Variants in MKLN1 observed in about 807,000 individuals in gnomAD.
MKLN1 encodes muskelin 1.
Under a neutral mutation model 99.0 loss-of-function variants are expected in MKLN1, and 18 were observed. The ratio of observed to expected loss-of-function variants is 0.18; its 90% CI spans 0.13 to 0.27. The LOEUF is 0.27. MKLN1 is among the 10% of genes least tolerant of loss of function. The probability of loss-of-function intolerance (pLI) is 1.00; values close to 1 mark genes in which losing one functional copy is unlikely to be tolerated. For synonymous variants in MKLN1, 288 were observed against 293.2 expected, an observed-to-expected ratio of 0.98 and a Z score of 0.18; for missense variants, 621 against 875.9, an observed-to-expected ratio of 0.71 and a Z score of 3.67.
intron 1 of MKLN1, among the ~76,000 whole-genome samples, chr7:131,329,632 A>C (rs1785415279): frequency 6.6e-6 from 1 of 152,222 alleles, no homozygotes; most frequent in Non-Finnish European, 1.5e-5. Flanking sequence ...GTCACTCCTT[A>C]AATTTTTGAT....
chr7:131,421,434 T>C (rs901667321), intron 8 of MKLN1, among the ~76,000 whole-genome samples: 3 of 152,160 alleles, frequency 2.0e-5, no homozygotes, highest in Non-Finnish European at 4.4e-5. Context: ...CAGCCACATA[T>C]AATAGGTAGG....
intron 11 of MKLN1, among the ~76,000 whole-genome samples, chr7:131,444,745 T>TAGAAGA (rs1795948329): frequency 2.0e-5 from 2 of 98,116 alleles, no homozygotes; most frequent in Non-Finnish European, 4.1e-5. Flanking sequence ...GTAGTAGTAG[T>TAGAAGA]AGTAGTAGTA....
intron 1 of MKLN1, among the ~76,000 whole-genome samples, chr7:131,349,259 G>A (rs373536340): frequency 2.0e-5 from 3 of 151,320 alleles, no homozygotes; most frequent in Admixed American, 2.0e-4. Context: ...ACAGTGGCAC[G>A]ATCTCGGCTC....
chr7:131,248,426 A>T (rs1797528821), intron 3 of MKLN1, among the ~76,000 whole-genome samples: 1 of 152,154 alleles, frequency 6.6e-6, no homozygotes, highest in Non-Finnish European at 1.5e-5. Context: ...ATGGGTTCTT[A>T]TACTGAGCAT....
At chr7:131,330,448 C>G (rs1008273744) in intron 1 of MKLN1, among the ~76,000 whole-genome samples, 1 of 152,176 alleles carries the variant, frequency 6.6e-6, no homozygotes, top group Non-Finnish European at 1.5e-5. Flanking sequence ...TGTATCAACT[C>G]ATTTAATCCT....
chr7:131,231,521 T>C (rs1797244010), intron 3 of MKLN1, among the ~76,000 whole-genome samples: 1 of 152,122 alleles, frequency 6.6e-6, no homozygotes. Flanking sequence ...CTACTGTTGC[T>C]CTTGTGGCCA....
intron 4 of MKLN1, among the ~76,000 whole-genome samples, chr7:131,392,252 G>A (rs1794216594): frequency 6.6e-6 from 1 of 152,134 alleles, no homozygotes; most frequent in South Asian, 2.1e-4. Flanking sequence ...TTGGTAAATG[G>A]AGAGATGTGG....
intron 1 of MKLN1, among the ~76,000 whole-genome samples, chr7:131,112,001 A>T (rs979824255): frequency 1.3e-5 from 2 of 152,224 alleles, no homozygotes; most frequent in Admixed American, 1.3e-4. Context: ...ATGTCCCTGG[A>T]CAAGACAACC....
intron 1 of MKLN1, among the ~76,000 whole-genome samples, chr7:131,366,756 G>T (rs937106087): frequency 3.4e-4 from 52 of 152,198 alleles, no homozygotes; most frequent in Admixed American, 3.0e-3. Context: ...ATGTTGCAGT[G>T]AGCTAAGATT....
chr7:131,281,340 T>C (rs7789015), intron 3 of MKLN1, among the ~76,000 whole-genome samples: 8,419 of 152,264 alleles, frequency 0.055, 297 homozygotes, highest in Non-Finnish European at 0.076. Flanking sequence ...GAAATTCAAT[T>C]CAATACCAAT....
chr7:131,323,514 A>T (rs1245493686), upstream of MKLN1: 1 of 152,164 alleles, frequency 6.6e-6, no homozygotes, highest in Non-Finnish European at 1.5e-5. Context: ...ATATCAAAAG[A>T]TCCCCATTTT....
At chr7:131,310,856 A>G (rs928429637) in intron 3 of MKLN1, 1 of 152,208 alleles carries the variant, frequency 6.6e-6, no homozygotes, top group Non-Finnish European at 1.5e-5. Flanking sequence ...ATAGTTTCCA[A>G]ATTTTGGAGT....
Position 131,438,869 on chromosome 7 carries a change from A to G in MKLN1, c.1173+872A>G, listed in dbSNP as rs113000975. The stretch of plus-strand genomic sequence containing the variant: ...TGAGACCTAAAATCTTATCTAGGAC[A>G]TAGAACCCAGGGTCTTTATTTATTG... On this transcript the variant is annotated intron_variant, in intron 10 of 17. Coordinates refer to ENST00000352689, the MANE Select transcript of MKLN1 (RefSeq NM_013255.5). Among the ~76,000 whole-genome samples, 471 of 152,236 alleles carry G rather than the reference A, an allele frequency of 3.1e-3. 1 individual carries two copies. The highest frequency in any genetic ancestry group is 0.011 in the African/African-American group (449 of 41,544).
intron 10 of MKLN1, among the ~76,000 whole-genome samples, chr7:131,442,181 T>A (rs1297158989): frequency 6.6e-6 from 1 of 152,352 alleles, no homozygotes; most frequent in Admixed American, 6.5e-5. Context: ...TAGATCTTTT[T>A]AGTGGTAGAT....
chr7:131,311,829 ATT>A (rs34147407), intron 3 of MKLN1, among the ~76,000 whole-genome samples: 42 of 148,246 alleles, frequency 2.8e-4, no homozygotes, highest in Admixed American at 4.7e-4. Flanking sequence ...TCTCTTTCCC[ATT>A]TTTTTTTTTT....
chr7:131,396,061 A>G (rs1043451330), intron 4 of MKLN1, among the ~76,000 whole-genome samples: 2 of 150,536 alleles, frequency 1.3e-5, no homozygotes, highest in South Asian at 4.1e-4. Context: ...AAGTTTTTCA[A>G]TTGAATATAT....
intron 12 of MKLN1, among the ~76,000 whole-genome samples, chr7:131,450,245 C>CT (rs1252504060): frequency 6.6e-6 from 1 of 152,132 alleles, no homozygotes; most frequent in Non-Finnish European, 1.5e-5. Context: ...AACCATATGC[C>CT]TTAACATTTA....
intron 3 of MKLN1, among the ~76,000 whole-genome samples, chr7:131,276,279 G>C (rs536451234): frequency 1.3e-5 from 2 of 152,322 alleles, no homozygotes; most frequent in South Asian, 4.1e-4. Flanking sequence ...ATGTTGGGGA[G>C]AGAGGGAGAG....
At chr7:131,430,154 A>T (rs1795481316) in intron 9 of MKLN1, among the ~76,000 whole-genome samples, 4 of 152,192 alleles carry the variant, frequency 2.6e-5, no homozygotes, top group Admixed American at 2.0e-4. Context: ...CCTCAAATGA[A>T]AAGGAGATAA....
Sources: allele counts gnomAD v4.1 joint callset (sites outside exome capture counted in the v4.1 genomes callset), GRCh38; gene constraint gnomAD v4.1.1; transcripts MANE v1.5; gene names NCBI Gene and HGNC (gene_info 2026-07-23, HGNC 2026-07-21).